Variants in SLC36A1 observed in about 807,000 individuals in gnomAD.
SLC36A1 encodes solute carrier family 36 member 1.
In SLC36A1, 30 loss-of-function variants were observed where a neutral mutation model predicts 47.5. The ratio of observed to expected loss-of-function variants is 0.63; its 90% CI spans 0.47 to 0.86. The LOEUF is 0.86. SLC36A1 is among the 40% of genes least tolerant of loss of function. The pLI, the probability that SLC36A1 is intolerant of heterozygous loss-of-function variation, is 0.00. For synonymous variants in SLC36A1, 255 were observed against 249.7 expected (o/e 1.02, Z -0.20); for missense variants, 517 against 606.0 (o/e 0.85, Z 1.54).
chr5:151,506,070 G>A, the SLC36A1 span: 5 of 1,534,718 alleles, frequency 3.3e-6, no homozygotes, highest in Non-Finnish European at 4.4e-6. Flanking sequence ...GTAAGTAGGG[G>A]GCCAGACCAT....
At chr5:151,382,575 ACT>A in the SLC36A1 span, among the ~76,000 whole-genome samples, 1 of 151,916 alleles carries the variant, frequency 6.6e-6, no homozygotes, top group Non-Finnish European at 1.5e-5. Flanking sequence ...TGTGCTGGAG[ACT>A]CTCTTGTTAA....
the SLC36A1 span, among the ~76,000 whole-genome samples, chr5:151,525,204 G>C: frequency 5.3e-5 from 8 of 152,218 alleles, no homozygotes; most frequent in Admixed American, 5.2e-4. Context: ...ATTTAGGAAA[G>C]AGATTTGGAG....
At chr5:151,534,475 C>A in the SLC36A1 span, 1 of 1,614,008 alleles carries the variant, frequency 6.2e-7, no homozygotes, top group Non-Finnish European at 8.5e-7. Flanking sequence ...TCGAAGACAG[C>A]CACAGCACAG....
the SLC36A1 span, chr5:151,422,262 G>T: frequency 6.6e-6 from 1 of 152,272 alleles, no homozygotes; most frequent in Non-Finnish European, 1.5e-5. Flanking sequence ...GAGAGTTGAA[G>T]AGGTATGTTA....
chr5:151,356,829 A>G, the SLC36A1 span, among the ~76,000 whole-genome samples: 4 of 152,296 alleles, frequency 2.6e-5, no homozygotes, highest in African/African-American at 9.6e-5. Flanking sequence ...CTTCAGACCT[A>G]ACATTTCCCT....
rs759011972 is a variant in SLC36A1, at chr5:151,458,875, G to A, written c.83G>A (p.Gly28Asp). 6.2e-7 allele frequency: 1 copy of A among 1,614,046 alleles called. No individual in the cohort carries two copies. Among genetic ancestry groups the A allele is most frequent in the Non-Finnish European group, 8.5e-7 (1 of 1,180,000 alleles). Residue 28 changes from glycine to aspartate, a missense_variant, in exon 2 of 11, where the codon GGC becomes GAC. Transcript: ENST00000243389. ...AGCCCTGAGGAGAGCCCGTCGGAAG[G>A]CCTCAACAACCTCTCCTCCCCGGGC... is the stretch of plus-strand genomic sequence containing the variant. The part of the protein sequence containing the change: ...DVSPEESPSE[G>D]LNNLSSPGSY...
At chr5:151,467,417 C>A in intron 6 of SLC36A1, 134 bp downstream of exon 6, 1 of 680,954 alleles carries the variant, frequency 1.5e-6, no homozygotes, top group Non-Finnish European at 2.5e-6. Context: ...TCATATTTTA[C>A]ATAGATCTAC....
chr5:151,346,047 C>T, the SLC36A1 span, among the ~76,000 whole-genome samples: 5 of 152,172 alleles, frequency 3.3e-5, no homozygotes, highest in Admixed American at 6.5e-5. Context: ...TTACTCAGCC[C>T]GTTATTTGGC....
chr5:151,512,281 T>C, the SLC36A1 span: 1 of 1,614,240 alleles, frequency 6.2e-7, no homozygotes, highest in Non-Finnish European at 8.5e-7. The surrounding 1 kb of genome is among the most constrained non-coding windows in gnomAD (Gnocchi z 4.1). Flanking sequence ...TGCCACCGTC[T>C]TGCCAGGGGC....
At chr5:151,505,626 T>A in the SLC36A1 span, 2 of 1,614,144 alleles carry the variant, frequency 1.2e-6, no homozygotes, top group South Asian at 2.2e-5. Context: ...GCCCTCATAG[T>A]TGGGGGGCAC....
chr5:151,525,247 T>C, the SLC36A1 span, among the ~76,000 whole-genome samples: 1 of 152,202 alleles, frequency 6.6e-6, no homozygotes, highest in Non-Finnish European at 1.5e-5. Context: ...CAGACCACCA[T>C]CTTGGCCACT....
At chr5:151,427,723 A>G in the SLC36A1 span, among the ~76,000 whole-genome samples, 1 of 151,874 alleles carries the variant, frequency 6.6e-6, no homozygotes, top group African/African-American at 2.4e-5. Context: ...TCCAGTGGGG[A>G]CCCCTGTGCA....
the SLC36A1 span, among the ~76,000 whole-genome samples, chr5:151,385,517 T>G: frequency 6.6e-6 from 1 of 152,186 alleles, no homozygotes; most frequent in African/African-American, 2.4e-5. Context: ...AATTGAGAAA[T>G]GATTTACATT....
chr5:151,550,822 A>G, the SLC36A1 span: 1 of 1,613,850 alleles, frequency 6.2e-7, no homozygotes, highest in South Asian at 1.1e-5. Context: ...ACGAGTTTCC[A>G]GAAACTGGGG....
the SLC36A1 span, among the ~76,000 whole-genome samples, chr5:151,403,013 C>T: frequency 0.41 from 62,376 of 151,658 alleles, 12,972 homozygotes; most frequent in African/African-American, 0.46. Context: ...CATTTAGTTC[C>T]GCTCTGATTT....
chr5:151,536,325 C>T, the SLC36A1 span, among the ~76,000 whole-genome samples: 1 of 152,194 alleles, frequency 6.6e-6, no homozygotes, highest in African/African-American at 2.4e-5. Context: ...CTGCCTGTCC[C>T]TGCTGGGGTT....
rs1304170176 is a variant in SLC36A1 at position 151,477,072 on chromosome 5, G to A, written c.989+316G>A. 1.9e-5 allele frequency: 8 copies of A among 421,210 alleles called. No homozygotes were observed. In the Admixed American group the frequency reaches 2.2e-4, roughly 11 times the overall value. 26.1% of individuals were successfully genotyped at this position (421,210 alleles called of 1,614,324 possible). On this transcript the variant is annotated intron_variant, in intron 9 of 10. Transcript: ENST00000243389. ...CCATTCCAAATAGACAGGGAGATGG[G>A]AGGGCAAACCTGCATTTGATTCCCA... is the stretch of plus-strand genomic sequence containing the variant.
chr5:151,363,020 G>A, the SLC36A1 span, among the ~76,000 whole-genome samples: 2 of 152,068 alleles, frequency 1.3e-5, no homozygotes, highest in South Asian at 4.2e-4. Context: ...TCTTTGTATG[G>A]AACGATTATT....
At chr5:151,349,073 G>A in the SLC36A1 span, among the ~76,000 whole-genome samples, 2 of 152,202 alleles carry the variant, frequency 1.3e-5, no homozygotes, top group Non-Finnish European at 2.9e-5. Context: ...CTCGTTTACA[G>A]CCTGAGATTC....
Sources: gnomAD v4.1 joint callset for allele counts (sites outside exome capture counted in the v4.1 genomes callset) on GRCh38, gnomAD v4.1.1 for gene constraint, Gnocchi (gnomAD v3.1) non-coding constraint, MANE v1.5 for transcripts, NCBI Gene and HGNC (gene_info 2026-07-23, HGNC 2026-07-21) for gene names.